TIAM2: variants seen among roughly 807,000 people sequenced by gnomAD.
TIAM2 encodes the protein TIAM Rac1 associated GEF 2.
A neutral mutation model predicts 152.9 loss-of-function variants in TIAM2; 80 were observed. That is an observed-to-expected ratio of 0.52 (90% CI 0.44 to 0.63). The LOEUF (loss-of-function observed/expected upper bound fraction) is 0.63. TIAM2 is among the 30% of genes least tolerant of loss of function. The probability of loss-of-function intolerance (pLI) is 0.00; values close to 1 mark genes in which losing one functional copy is unlikely to be tolerated. For synonymous variants in TIAM2, 804 were observed against 838.0 expected, an observed-to-expected ratio of 0.96 and a Z score of 0.70; for missense variants, 1,965 against 2,120.1, an observed-to-expected ratio of 0.93 and a Z score of 1.44.
At chr6:155,029,647 C>A (rs1437326877) in intron 1 of TIAM2, among the ~76,000 whole-genome samples, 9 of 95,426 alleles carry the variant, frequency 9.4e-5, no homozygotes, top group East Asian at 2.4e-4. Context: ...AGTTATATAA[C>A]TATATATAGA....
chr6:155,017,725 A>G (rs1392223612), intron 1 of TIAM2, among the ~76,000 whole-genome samples: 1 of 151,814 alleles, frequency 6.6e-6, no homozygotes, highest in African/African-American at 2.4e-5. Flanking sequence ...GGATGGTCTC[A>G]ATCTCCTGAC....
At chr6:155,244,529 A>G in intron 17 of TIAM2, 129 bp from the exon 18 acceptor site, 1 of 1,167,282 alleles carries the variant, frequency 8.6e-7, no homozygotes, top group South Asian at 1.6e-5. Flanking sequence ...CTGTCTTCTT[A>G]AAGGATTTAC....
chr6:155,076,746 T>A, intron 1 of TIAM2, among the ~76,000 whole-genome samples: 1 of 152,194 alleles, frequency 6.6e-6, no homozygotes, highest in Middle Eastern at 3.2e-3. Context: ...GACAGTGCAG[T>A]GCAGTGGCAC....
At chr6:155,215,380 AAAT>A (rs1293079897) in intron 15 of TIAM2, among the ~76,000 whole-genome samples, 3 of 152,372 alleles carry the variant, frequency 2.0e-5, no homozygotes, top group East Asian at 1.9e-4. Flanking sequence ...AGGAGAAAGC[AAAT>A]AATAACATCA....
At chr6:155,116,728 T>C (rs1388945097) in intron 2 of TIAM2, among the ~76,000 whole-genome samples, 2 of 152,180 alleles carry the variant, frequency 1.3e-5, no homozygotes, top group Non-Finnish European at 2.9e-5. Context: ...CGCATGATGC[T>C]GTTTAAGTTT....
chr6:155,184,478 T>TC lies in TIAM2; in HGVS notation c.3064+979dup, dbSNP rs374770478. 3.4e-3 allele frequency among the ~76,000 whole-genome samples: 522 copies of TC among 152,294 alleles called. 6 individuals are homozygous for TC. The highest frequency in any genetic ancestry group is 0.011 in the African/African-American group (473 of 41,544). On this transcript the variant is annotated intron_variant, in intron 14 of 26. Transcript: ENST00000682666. ...TACTGCAGTCAAGTAAATTAGGGGC[T>TC]CGGCTAGTACTGAAAACCAGTAGTT...
At chr6:155,212,377 C>A (rs538880092) in intron 15 of TIAM2, among the ~76,000 whole-genome samples, 26 of 152,214 alleles carry the variant, frequency 1.7e-4, no homozygotes, top group Non-Finnish European at 2.9e-4. Context: ...TCCTTTCCTG[C>A]ATTTTTAACT....
Position 155,186,692 on chromosome 6 carries a change from C to T in TIAM2, c.3064+3192C>T, listed in dbSNP as rs1781050914. Among the ~76,000 whole-genome samples, 1 of 152,196 alleles carries T rather than the reference C, an allele frequency of 6.6e-6. No homozygotes were observed. Among genetic ancestry groups the T allele is most frequent in the South Asian group, 2.1e-4 (1 of 4,830 alleles). On this transcript the variant is annotated intron_variant, in intron 14 of 26. Transcript: ENST00000682666. This position sits in a 1 kb window ranked among gnomAD's most constrained non-coding sequence, Gnocchi z 4.5. ...TCCTCCTCCTCCCTCGCTTTTGCAG[C>T]TTCCTGTTTTATTAAAAATTACCTT...
At chr6:155,029,694 T>C (rs1232963378) in intron 1 of TIAM2, among the ~76,000 whole-genome samples, 3 of 138,272 alleles carry the variant, frequency 2.2e-5, no homozygotes, top group Non-Finnish European at 3.0e-5. Flanking sequence ...TAACTATATA[T>C]AGAGATATAT....
chr6:155,105,254 A>C (rs2114998712), intron 2 of TIAM2, among the ~76,000 whole-genome samples: 1 of 152,140 alleles, frequency 6.6e-6, no homozygotes, highest in East Asian at 1.9e-4. Flanking sequence ...CTGCCTCCCG[A>C]GTTCTCCCAC....
At chr6:154,999,745 T>G (rs1426357360) in intron 1 of TIAM2, among the ~76,000 whole-genome samples, 1 of 151,810 alleles carries the variant, frequency 6.6e-6, no homozygotes, top group Non-Finnish European at 1.5e-5. Context: ...CCATCTTGGC[T>G]CACTGCAACT....
intron 15 of TIAM2, among the ~76,000 whole-genome samples, chr6:155,227,376 C>G (rs1438902047): frequency 6.6e-6 from 1 of 152,128 alleles, no homozygotes; most frequent in Non-Finnish European, 1.5e-5. Context: ...CCCGTTTTCC[C>G]CACAACCCTA....
chr6:155,169,482 CATA>C (rs1473028805), intron 9 of TIAM2, among the ~76,000 whole-genome samples: 12 of 152,184 alleles, frequency 7.9e-5, no homozygotes, highest in East Asian at 1.9e-4. Flanking sequence ...AGACTGAAGT[CATA>C]ATAATATCTT....
Position 155,184,288 on chromosome 6 carries a change from C to T in TIAM2, c.3064+788C>T, listed in dbSNP as rs149889134. 3.6e-3 allele frequency among the ~76,000 whole-genome samples: 553 copies of T among 152,290 alleles called. 3 individuals carry two copies. Among genetic ancestry groups the T allele is most frequent in the Admixed American group, 6.0e-3 (91 of 15,284 alleles). On this transcript the variant is annotated intron_variant, in intron 14 of 26. Transcript: ENST00000682666. ...ACAGGCATGAGCCACCGTGCCTGGC[C>T]AGTAAACAGCAAACTTTTAATGTAG... is the stretch of plus-strand genomic sequence containing the variant.
intron 4 of TIAM2, among the ~76,000 whole-genome samples, chr6:155,132,262 G>A (rs1027765819): frequency 4.1e-5 from 6 of 147,262 alleles, no homozygotes; most frequent in African/African-American, 1.5e-4. Context: ...ATCCTAGATA[G>A]ACATAAAATT....
chr6:155,187,725 T>C (rs916122711), intron 14 of TIAM2, among the ~76,000 whole-genome samples: 4 of 151,828 alleles, frequency 2.6e-5, no homozygotes, highest in Admixed American at 1.3e-4. Context: ...ATTACAGGCA[T>C]GCACCACCAC....
Position 155,245,697 on chromosome 6 carries a change from T to A in TIAM2, c.3618T>A (p.Ala1206=). 6.2e-7 allele frequency: 1 copy of A among 1,612,730 alleles called. No homozygotes were observed. The highest frequency in any genetic ancestry group is 8.5e-7 in the Non-Finnish European group (1 of 1,179,280). The change falls in exon 19 of 27, where the codon GCT becomes GCA. Residue 1206 remains alanine (A), a synonymous_variant. Coordinates refer to ENST00000682666, the MANE Select transcript of TIAM2 (RefSeq NM_012454.4). ...DHFKLYSGFC[A]NHIKVQKVLE... ...TTAAACTGTACAGTGGATTCTGTGCTAACCATATCAAAGTACAGAAGGTTC... is the reference window on the plus strand; with the variant it reads ...TTAAACTGTACAGTGGATTCTGTGCAAACCATATCAAAGTACAGAAGGTTC...
intron 1 of TIAM2, among the ~76,000 whole-genome samples, chr6:155,064,324 G>T (rs943664684): frequency 6.6e-6 from 1 of 152,180 alleles, no homozygotes; most frequent in African/African-American, 2.4e-5. Context: ...TTGGAGCCTA[G>T]CTTTTACAGC....
intron 2 of TIAM2, among the ~76,000 whole-genome samples, chr6:155,110,031 C>A (rs1778798862): frequency 6.6e-6 from 1 of 151,016 alleles, no homozygotes; most frequent in Non-Finnish European, 1.5e-5. Context: ...CTCACTGCAA[C>A]CTCCACCTCT....
Sources: gnomAD v4.1 joint callset for allele counts (sites outside exome capture counted in the v4.1 genomes callset) on GRCh38, gnomAD v4.1.1 for gene constraint, Gnocchi (gnomAD v3.1) non-coding constraint, MANE v1.5 for transcripts, NCBI Gene and HGNC (gene_info 2026-07-23, HGNC 2026-07-21) for gene names.